Variants in MMP10 observed in about 807,000 individuals in gnomAD.
MMP10 encodes the protein stromelysin-2.
In MMP10, 50 loss-of-function variants were observed where a neutral mutation model predicts 49.1. The observed-to-expected ratio is 1.02, with a 90% CI of 0.81 to 1.29. MMP10 has a LOEUF of 1.29. MMP10 is among the 50% of genes most tolerant of loss of function. MMP10 has a pLI of 0.00. For synonymous variants in MMP10, 229 were observed against 201.6 expected (o/e 1.14, Z -1.15); for missense variants, 613 against 563.8 (o/e 1.09, Z -0.88).
intron 3 of MMP10, 105 bp downstream of exon 3, chr11:102,779,108 G>A (rs1447411247): frequency 6.7e-7 from 1 of 1,489,406 alleles, no homozygotes; most frequent in Non-Finnish European, 9.0e-7. Context: ...CCAGAATTGT[G>A]AGCAATAAAT....
At chr11:102,775,672 G>A (rs1857717528) in intron 6 of MMP10, among the ~76,000 whole-genome samples, 1 of 152,124 alleles carries the variant, frequency 6.6e-6, no homozygotes, top group Admixed American at 6.5e-5. Context: ...GCTGGAGGAC[G>A]GTAGGCCAAA....
Position 102,770,852 on chromosome 11 carries a change from C to A in MMP10, c.1372G>T (p.Asp458Tyr). ...FFSGSSQFEFDPNARMVTHIL... is the reference protein window; with the variant it reads ...FFSGSSQFEFYPNARMVTHIL... ...TGTGTCACCATCCTGGCATTGGGGT[C>A]AAACTCAAACTGTGATGATCCACTG... The change falls in exon 10 of 10, where the codon GAC becomes TAC. Residue 458 changes from aspartate (D) to tyrosine (Y), a missense_variant. By Grantham distance (160) the Asp-to-Tyr change is radical (BLOSUM62 -3). Coordinates refer to ENST00000279441, the MANE Select transcript of MMP10 (RefSeq NM_002425.3). 6.2e-7 allele frequency: 1 copy of A among 1,612,988 alleles called. No individual in the cohort carries two copies. Among genetic ancestry groups the A allele is most frequent in the Non-Finnish European group, 8.5e-7 (1 of 1,179,442 alleles).
chr11:102,772,117 T>C lies in MMP10; in HGVS notation c.1227-2A>G, dbSNP rs1300863863. The C allele has an allele frequency of 1.3e-6, 2 of 1,575,754 alleles. No homozygotes were observed. The highest frequency in any genetic ancestry group is 8.7e-7 in the Non-Finnish European group (1 of 1,145,988). ...ATGGACTGGCTATTTTCATCAAATC[T>C]AAACCAAATGAAAGAAATACAGTTC... On this transcript the variant is annotated splice_acceptor_variant, in intron 8 of 9. Coordinates refer to ENST00000279441, the MANE Select transcript of MMP10 (RefSeq NM_002425.3). LOFTEE classifies it high-confidence loss of function. This position sits in a 1 kb window ranked among gnomAD's most constrained non-coding sequence, Gnocchi z 4.4.
Position 102,778,754 on chromosome 11 carries a change from T to A in MMP10, c.497-5A>T, listed in dbSNP as rs777365988. On this transcript the variant is annotated splice_polypyrimidine_tract_variant and splice_region_variant and intron_variant, in intron 3 of 9. Coordinates refer to ENST00000279441, the MANE Select transcript of MMP10 (RefSeq NM_002425.3). ...AAGAGTAAAAGTCTCCATGTTCTGA[T>A]AGGGAACAAATTAATGGAAATATAA... The A allele has an allele frequency of 1.2e-6, 2 of 1,613,590 alleles. No homozygotes were observed. The highest frequency in any genetic ancestry group is 4.5e-5 in the East Asian group (2 of 44,886).
chr11:102,772,763 G>A lies in MMP10; in HGVS notation c.1226+84C>T. On this transcript the variant is annotated intron_variant, in intron 8 of 9. Transcript: ENST00000279441. The surrounding 1 kb of genome is among the most constrained non-coding windows in gnomAD (Gnocchi z 4.4). The stretch of plus-strand genomic sequence containing the variant: ...GAAGTTAGAGAAAGTTAGAGGGTGG[G>A]TGTAGGGTAGGGAAATATCCTTAAA... The A allele has an allele frequency of 1.4e-6, 2 of 1,390,840 alleles. No individual in the cohort carries two copies. Among genetic ancestry groups the A allele is most frequent in the Non-Finnish European group, 2.0e-6 (2 of 1,017,316 alleles). 86.2% of individuals were successfully genotyped at this position (1,390,840 alleles called of 1,614,324 possible). A position where few individuals can be genotyped will look rare whatever the true frequency, so the allele number is the denominator to read the frequency against.
intron 4 of MMP10, 82 bp downstream of exon 4, chr11:102,778,542 T>C (rs902277859): frequency 6.5e-7 from 1 of 1,539,566 alleles, no homozygotes; most frequent in South Asian, 1.2e-5. Flanking sequence ...ATTCGATTTA[T>C]TGCTCGTTCT....
chr11:102,770,850 G>A lies in MMP10; in HGVS notation c.1374C>T (p.Asp458=). Residue 458 remains aspartate (D), a synonymous_variant, in exon 10 of 10, where the codon GAC becomes GAT. Transcript: ENST00000279441. ...TGTGTGTCACCATCCTGGCATTGGG[G>A]TCAAACTCAAACTGTGATGATCCAC... ...FFSGSSQFEF[D]PNARMVTHIL... 1 of 1,612,958 alleles carries A rather than the reference G, an allele frequency of 6.2e-7. No homozygotes were observed.
At position 102,779,631 on chromosome 11, in the gene MMP10, C is replaced by T. The variant is rs201191140; in HGVS notation, c.220G>A (p.Val74Met). 4.0e-5 allele frequency: 64 copies of T among 1,613,928 alleles called. No homozygotes were observed. Among genetic ancestry groups the T allele is most frequent in the African/African-American group, 5.3e-5 (4 of 74,916 alleles). ...QGMQKFLGLE[V>M]TGKLDTDTLE... ...GTGTCAGTGTCTAGCTTCCCTGTCA[C>T]CTCCAACCCAAGGAACTTCTGCATT... The change falls in exon 2 of 10, where the codon GTG (valine) becomes ATG (methionine). Residue 74 changes from valine to methionine, a missense_variant. Physicochemically the swap from Val to Met is conservative, Grantham distance 21 (BLOSUM62 1). Coordinates refer to ENST00000279441, the MANE Select transcript of MMP10 (RefSeq NM_002425.3).
At chr11:102,778,891 A>G (rs559237556) in intron 3 of MMP10, 142 bp from the exon 4 acceptor site, 2 of 1,058,276 alleles carry the variant, frequency 1.9e-6, no homozygotes, top group Non-Finnish European at 2.8e-6. Flanking sequence ...CCAATGAAAT[A>G]TAGTATTAAG....
rs1861984402 is a variant in MMP10 at position 102,772,426 on chromosome 11, C to T, written c.1227-311G>A. 6.6e-6 allele frequency among the ~76,000 whole-genome samples: 1 copy of T among 152,206 alleles called. No individual in the cohort carries two copies. The highest frequency in any genetic ancestry group is 2.1e-4 in the South Asian group (1 of 4,834). On this transcript the variant is annotated intron_variant, in intron 8 of 9. Coordinates refer to ENST00000279441, the MANE Select transcript of MMP10 (RefSeq NM_002425.3). The surrounding 1 kb of genome is among the most constrained non-coding windows in gnomAD (Gnocchi z 4.4). ...AATTTCCCTGTGTCTACTATAAATA[C>T]ATAAAGACTGTGTAGACATAATGAA...
chr11:102,779,812 C>T, intron 1 of MMP10, 67 bp from the exon 2 acceptor site: 3 of 1,521,074 alleles, frequency 2.0e-6, no homozygotes, highest in Non-Finnish European at 2.7e-6. Context: ...TTTTATAATC[C>T]ATCGTAATTT....
intron 1 of MMP10, 90 bp downstream of exon 1, chr11:102,780,397 C>T: frequency 3.0e-6 from 3 of 1,015,654 alleles, no homozygotes; most frequent in South Asian, 1.4e-5. Context: ...ACAAAGTGAT[C>T]TCTAGTCTAA....
Position 102,776,278 on chromosome 11 carries a change from A to C in MMP10, c.932+2T>G. 6.2e-7 allele frequency: 1 copy of C among 1,612,672 alleles called. No homozygotes were observed. Among genetic ancestry groups the C allele is most frequent in the Non-Finnish European group, 8.5e-7 (1 of 1,179,324 alleles). ...TAGGAAAATATAATTTTCTGGTCTG[A>C]CCTGTCTTTAAAGAACAGATATTCT... On this transcript the variant is annotated splice_donor_variant, in intron 6 of 9. Coordinates refer to ENST00000279441, the MANE Select transcript of MMP10 (RefSeq NM_002425.3). LOFTEE classifies it high-confidence loss of function.
At chr11:102,773,718 A>C (rs530165456) in intron 7 of MMP10, among the ~76,000 whole-genome samples, 8 of 152,288 alleles carry the variant, frequency 5.3e-5, no homozygotes, top group Admixed American at 2.6e-4. Context: ...TCTCTGCACA[A>C]CAATAGAGAA....
intron 4 of MMP10, 94 bp from the exon 5 acceptor site, chr11:102,776,870 A>AG: frequency 7.2e-7 from 1 of 1,390,776 alleles, no homozygotes; most frequent in South Asian, 1.2e-5. Flanking sequence ...CCATCCTTGA[A>AG]ACCACAATGT....
In MMP10 at chr11:102,775,213, G is replaced by A. The variant is rs761939283; in HGVS notation, c.1041C>T (p.Ser347=). Residue 347 remains serine, a synonymous_variant, in exon 7 of 10, where the codon AGC becomes AGT. Transcript: ENST00000279441. ...CTTTAAAAATAAAAACGGTGTCCCT[G>A]CTGTTAACTTCATATGCAGCATCCA... The part of the protein sequence containing the change: ...SYLDAAYEVN[S]RDTVFIFKGN... 5.6e-6 allele frequency: 9 copies of A among 1,601,552 alleles called. No homozygotes were observed. Among genetic ancestry groups the A allele is most frequent in the South Asian group, 1.1e-5 (1 of 87,572 alleles).
At chr11:102,774,935 T>A (rs1862007168) in intron 7 of MMP10, among the ~76,000 whole-genome samples, 1 of 152,222 alleles carries the variant, frequency 6.6e-6, no homozygotes, top group East Asian at 1.9e-4. Flanking sequence ...GTATTTGAAA[T>A]GAAAATGTCT....
intron 5 of MMP10, 70 bp from the exon 6 acceptor site, chr11:102,776,494 T>G (rs369675624): frequency 5.0e-6 from 8 of 1,588,892 alleles, no homozygotes; most frequent in Middle Eastern, 3.4e-4. Context: ...TTGTGTGCCT[T>G]TCAAACATTC....
intron 9 of MMP10, 26 bp from the exon 10 acceptor site, chr11:102,770,919 T>C: frequency 7.0e-7 from 1 of 1,427,058 alleles, no homozygotes; most frequent in South Asian, 1.2e-5. Context: ...AGGAAAATGA[T>C]GAGACATCTT....
Sources: allele counts gnomAD v4.1 joint callset (sites outside exome capture counted in the v4.1 genomes callset), GRCh38; gene constraint gnomAD v4.1.1; non-coding constraint Gnocchi (gnomAD v3.1); transcripts MANE v1.5; gene names NCBI Gene and HGNC (gene_info 2026-07-23, HGNC 2026-07-21).